CCDC178: variants seen among roughly 807,000 people sequenced by gnomAD.
The protein encoded by CCDC178 is coiled-coil domain containing 178.
CCDC178 carries 126 observed loss-of-function variants against 117.4 expected under a neutral mutation model. That is an observed-to-expected ratio of 1.07 (90% CI 0.93 to 1.24). CCDC178 has a LOEUF of 1.24. CCDC178 is among the 50% of genes most tolerant of loss of function. The pLI is 0.00. For synonymous variants in CCDC178, 283 were observed against 313.4 expected, an observed-to-expected ratio of 0.90 and a Z score of 1.02; for missense variants, 1,030 against 986.9, an observed-to-expected ratio of 1.04 and a Z score of -0.59.
Position 33,260,740 on chromosome 18 carries a change from A to G in CCDC178, c.1409+6176T>C, listed in dbSNP as rs181745979. On this transcript the variant is annotated intron_variant, in intron 14 of 22. Transcript: ENST00000383096. ...CTTTCACATTTACAACTATGTTCCAAAAAAATAGACTATTGTTTGTTAGAT... is the reference window on the plus strand; with the variant it reads ...CTTTCACATTTACAACTATGTTCCAGAAAAATAGACTATTGTTTGTTAGAT... Among the ~76,000 whole-genome samples the G allele has an allele frequency of 1.5e-4, 23 of 152,208 alleles. No individual in the cohort carries two copies. The East Asian group carries it at 3.9e-3, about 26-fold the overall frequency.
intron 12 of CCDC178, among the ~76,000 whole-genome samples, chr18:33,274,244 G>T (rs1282520223): frequency 1.3e-5 from 2 of 151,702 alleles, no homozygotes; most frequent in African/African-American, 4.8e-5. Flanking sequence ...AAAAAAAAAG[G>T]ACAGATAATA....
chr18:33,132,894 T>C (rs1197400456), intron 20 of CCDC178, among the ~76,000 whole-genome samples: 1 of 151,814 alleles, frequency 6.6e-6, no homozygotes, highest in Non-Finnish European at 1.5e-5. Flanking sequence ...GAAAGAAAAC[T>C]TTGCAACAGA....
chr18:33,308,546 T>C (rs977156241), intron 11 of CCDC178, among the ~76,000 whole-genome samples: 1 of 152,116 alleles, frequency 6.6e-6, no homozygotes, highest in Non-Finnish European at 1.5e-5. Context: ...TGGGGAACTG[T>C]TGGAAGGGTA....
chr18:33,223,470 A>G (rs1374115618), intron 17 of CCDC178, among the ~76,000 whole-genome samples: 1 of 152,178 alleles, frequency 6.6e-6, no homozygotes, highest in Non-Finnish European at 1.5e-5. Context: ...AAGCTTACAT[A>G]GAAAGTATGA....
chr18:33,123,162 A>G (rs751933458), intron 20 of CCDC178, among the ~76,000 whole-genome samples: 1 of 152,196 alleles, frequency 6.6e-6, no homozygotes, highest in Non-Finnish European at 1.5e-5. Context: ...GTGTATTAAA[A>G]TATTAAAATA....
chr18:33,158,062 T>C (rs2058422163), intron 20 of CCDC178, among the ~76,000 whole-genome samples: 1 of 152,158 alleles, frequency 6.6e-6, no homozygotes, highest in Non-Finnish European at 1.5e-5. Context: ...ACTAGATACA[T>C]GAGCTTCTTG....
chr18:33,125,509 C>T (rs1352218239), intron 20 of CCDC178, among the ~76,000 whole-genome samples: 2 of 152,086 alleles, frequency 1.3e-5, no homozygotes, highest in African/African-American at 4.8e-5. Context: ...TTAAGTGGTG[C>T]AAAATCTTTT....
chr18:33,437,969 G>A (rs1050828294), intron 2 of CCDC178, among the ~76,000 whole-genome samples: 3 of 152,084 alleles, frequency 2.0e-5, no homozygotes, highest in Non-Finnish European at 4.4e-5. Flanking sequence ...GCAAATATCA[G>A]TTTTCTAATA....
intron 21 of CCDC178, among the ~76,000 whole-genome samples, chr18:33,015,113 G>A (rs572989288): frequency 4.0e-5 from 6 of 151,664 alleles, no homozygotes; most frequent in Admixed American, 6.6e-5. Context: ...AAAATTAGCC[G>A]GGTGTAGTGG....
intron 21 of CCDC178, among the ~76,000 whole-genome samples, chr18:33,000,665 T>C (rs1233947422): frequency 6.6e-6 from 1 of 152,118 alleles, no homozygotes; most frequent in Admixed American, 6.5e-5. Context: ...ACAAGCCAGG[T>C]GACATATTTA....
chr18:32,983,548 T>C (rs1163523966), intron 21 of CCDC178, among the ~76,000 whole-genome samples: 2 of 152,132 alleles, frequency 1.3e-5, no homozygotes, highest in African/African-American at 4.8e-5. Context: ...ATTAAAATCA[T>C]ATTTAAAGCT....
intron 11 of CCDC178, among the ~76,000 whole-genome samples, chr18:33,309,305 A>G (rs1444509838): frequency 2.0e-5 from 3 of 152,186 alleles, no homozygotes; most frequent in African/African-American, 7.2e-5. Context: ...TTAGGTGAAT[A>G]CCTGATATTC....
intron 20 of CCDC178, among the ~76,000 whole-genome samples, chr18:33,149,200 A>G (rs749464443): frequency 3.9e-5 from 6 of 152,174 alleles, no homozygotes; most frequent in Non-Finnish European, 8.8e-5. Context: ...AAATCCACAC[A>G]CTGTGGAATC....
At chr18:33,185,002 T>A (rs974586535) in intron 20 of CCDC178, among the ~76,000 whole-genome samples, 2 of 151,882 alleles carry the variant, frequency 1.3e-5, no homozygotes, top group African/African-American at 4.8e-5. Flanking sequence ...CCAAAAAGAC[T>A]CAAGTAAAGA....
chr18:33,092,820 A>G lies in CCDC178; in HGVS notation c.2329T>C (p.Tyr777His). The change falls in exon 21 of 23, where the codon TAT (tyrosine) becomes CAT (histidine). Residue 777 changes from tyrosine to histidine, a missense_variant. Physicochemically the swap from Tyr to His is moderately conservative, Grantham distance 83. Coordinates refer to ENST00000383096, the MANE Select transcript of CCDC178 (RefSeq NM_001105528.4). ...QITFLKEKDN[Y>H]FNIYDKQLSL... ...AGCTGTTTATCATATATATTGAAAT[A>G]ATTGTCCTTTTCTTTTAAGAATGTA... is the stretch of plus-strand genomic sequence containing the variant. The G allele has an allele frequency of 6.4e-7, 1 of 1,561,856 alleles. No homozygotes were observed. The highest frequency in any genetic ancestry group is 8.8e-7 in the Non-Finnish European group (1 of 1,141,156).
intron 22 of CCDC178, among the ~76,000 whole-genome samples, chr18:32,956,428 C>T (rs1356389874): frequency 6.6e-6 from 1 of 152,160 alleles, no homozygotes; most frequent in Non-Finnish European, 1.5e-5. Context: ...ATGATTGTGA[C>T]ATGTTTTCCA....
chr18:33,143,313 A>G (rs1384788334), intron 20 of CCDC178, among the ~76,000 whole-genome samples: 2 of 152,166 alleles, frequency 1.3e-5, no homozygotes, highest in Non-Finnish European at 2.9e-5. Flanking sequence ...TATAGAACAT[A>G]CACATAGAAG....
At chr18:33,122,344 G>C (rs1184639146) in intron 20 of CCDC178, among the ~76,000 whole-genome samples, 1 of 151,954 alleles carries the variant, frequency 6.6e-6, no homozygotes, top group Admixed American at 6.6e-5. Flanking sequence ...CTGGGGCTTG[G>C]CATATCAGAT....
intron 12 of CCDC178, among the ~76,000 whole-genome samples, chr18:33,281,075 A>C (rs1377524227): frequency 6.8e-6 from 1 of 147,062 alleles, no homozygotes; most frequent in Non-Finnish European, 1.5e-5. Context: ...CACATTGTGC[A>C]CATGTACCTT....
Sources: allele counts gnomAD v4.1 joint callset (sites outside exome capture counted in the v4.1 genomes callset), GRCh38; gene constraint gnomAD v4.1.1; transcripts MANE v1.5; gene names NCBI Gene and HGNC (gene_info 2026-07-23, HGNC 2026-07-21).